TRIM2: variants seen among roughly 807,000 people sequenced by gnomAD.
The protein encoded by TRIM2 is tripartite motif-containing protein 2.
In TRIM2, 20 loss-of-function variants were observed where a neutral mutation model predicts 75.2. That is an observed-to-expected ratio of 0.27 (90% CI 0.19 to 0.39). TRIM2 has a LOEUF of 0.39. Ranked by LOEUF, TRIM2 falls within the 10% of genes least tolerant of loss-of-function variation. The pLI is 1.00. For missense variants in TRIM2, 660 were observed against 990.8 expected, an observed-to-expected ratio of 0.67 and a Z score of 4.48; for synonymous variants, 373 against 388.3, an observed-to-expected ratio of 0.96 and a Z score of 0.46.
intron 1 of TRIM2, among the ~76,000 whole-genome samples, chr4:153,238,233 G>A (rs1353437640): frequency 6.6e-6 from 1 of 152,192 alleles, no homozygotes; most frequent in Non-Finnish European, 1.5e-5. Context: ...CAGTCCATAA[G>A]CCAATTAACA....
At chr4:153,307,665 A>C (rs1371298537) in intron 6 of TRIM2, 2 of 468,960 alleles carry the variant, frequency 4.3e-6, no homozygotes, top group Non-Finnish European at 4.0e-6. Flanking sequence ...CCTCACAGGA[A>C]CAGCCACAGG....
chr4:153,274,803 A>G (rs1185997357), intron 2 of TRIM2, among the ~76,000 whole-genome samples: 2 of 152,248 alleles, frequency 1.3e-5, no homozygotes, highest in African/African-American at 2.4e-5. Context: ...GATACTTCCC[A>G]GAAGTCTAGT....
Position 153,339,285 on chromosome 4 carries a change from C to G in TRIM2, c.*4319C>G, listed in dbSNP as rs966962682. The G allele has an allele frequency of 2.1e-5, 15 of 702,740 alleles. No individual in the cohort carries two copies. In the African/African-American group the frequency reaches 2.9e-4, roughly 14 times the overall value. 43.5% of individuals were successfully genotyped at this position (702,740 alleles called of 1,614,324 possible). A position where few individuals can be genotyped will look rare whatever the true frequency, so the allele number is the denominator to read the frequency against. On this transcript the variant is annotated 3_prime_UTR_variant, in exon 12 of 12. Transcript: ENST00000338700. ...TGTATCTCTTTACCATGCACAAAAT[C>G]TCAAATCATTATAATAAAGCTTGTT... is the stretch of plus-strand genomic sequence containing the variant.
intron 6 of TRIM2, among the ~76,000 whole-genome samples, chr4:153,313,343 G>A (rs758819123): frequency 7.9e-5 from 12 of 152,172 alleles, no homozygotes; most frequent in Non-Finnish European, 1.6e-4. Context: ...TGCAGAGTTA[G>A]TGAGTAAACT....
chr4:153,173,619 C>T (rs930163871), intron 1 of TRIM2, among the ~76,000 whole-genome samples: 6 of 151,168 alleles, frequency 4.0e-5, no homozygotes, highest in African/African-American at 7.3e-5. Flanking sequence ...GCCGAGATCG[C>T]GCCATTGCAC....
Position 153,275,937 on chromosome 4 carries a change from G to T in TRIM2, c.260G>T (p.Cys87Phe), listed in dbSNP as rs1012061831. 2 of 1,614,074 alleles carry T rather than the reference G, an allele frequency of 1.2e-6. No homozygotes were observed. The highest frequency in any genetic ancestry group is 2.7e-5 in the African/African-American group (2 of 74,910). The change falls in exon 3 of 12, where the codon TGC (cysteine) becomes TTC (phenylalanine). Residue 87 changes from cysteine (C) to phenylalanine (F), a missense_variant. Physicochemically the swap from Cys to Phe is radical, Grantham distance 205. This residue lies in a region of TRIM2 where 620 missense variants were observed against 891.0 expected (regional missense o/e 0.70). Transcript: ENST00000338700. Reference sequence around the variant, plus strand: ...CCTGCCCACAGTTTAACCCTCTCCTGCCCAGTGTGCCGCCAGACCTCCATC... The same window carrying T: ...CCTGCCCACAGTTTAACCCTCTCCTTCCCAGTGTGCCGCCAGACCTCCATC... Reference protein sequence around the residue: ...YIPAHSLTLSCPVCRQTSILP... With the variant: ...YIPAHSLTLSFPVCRQTSILP...
At chr4:153,280,905 C>T (rs893869308) in intron 3 of TRIM2, among the ~76,000 whole-genome samples, 3 of 151,824 alleles carry the variant, frequency 2.0e-5, no homozygotes, top group Admixed American at 6.6e-5. Flanking sequence ...AGGATGGTCT[C>T]GATCTCCTGA....
chr4:153,290,026 T>C (rs1413162048), intron 3 of TRIM2, among the ~76,000 whole-genome samples: 1 of 152,228 alleles, frequency 6.6e-6, no homozygotes, highest in East Asian at 1.9e-4. Context: ...GAAATATTAG[T>C]AAATGCTATT....
chr4:153,244,290 TCCTCCTCCTCCTCCTCCTCCTCC>T lies in TRIM2; in HGVS notation c.31-26044_31-26022del, dbSNP rs1560873444. Reference sequence around the variant, plus strand: ...CTCCTCCTCCTCCTCCTCCTCCTCCTCCTCCTCCTCCTCCTCCTCCTCCTCCTCCTCTTCTTCTTCTTCTTCTT... The same window carrying T: ...CTCCTCCTCCTCCTCCTCCTCCTCCTTCCTCCTCTTCTTCTTCTTCTTCTT... On this transcript the variant is annotated intron_variant, in intron 1 of 11. Transcript: ENST00000338700. Among the ~76,000 whole-genome samples, 18 of 33,402 alleles carry T rather than the reference TCCTCCTCCTCCTCCTCCTCCTCC, an allele frequency of 5.4e-4. 1 individual carries two copies. The highest frequency in any genetic ancestry group is 2.5e-3 in the African/African-American group (15 of 6,042). The allele number at this position is 33,402 out of a possible 152,430, so 21.9% of individuals were successfully genotyped here. A position where few individuals can be genotyped will look rare whatever the true frequency, so the allele number is the denominator to read the frequency against.
chr4:153,176,064 A>T (rs1308953142), intron 1 of TRIM2, among the ~76,000 whole-genome samples: 3 of 152,012 alleles, frequency 2.0e-5, no homozygotes, highest in Non-Finnish European at 4.4e-5. Context: ...CTAAAAAAAA[A>T]AACTTTTTTT....
chr4:153,219,566 T>C (rs545538927), intron 1 of TRIM2, among the ~76,000 whole-genome samples: 1 of 152,340 alleles, frequency 6.6e-6, no homozygotes, highest in East Asian at 1.9e-4. Context: ...GCATAAATAT[T>C]ATTTTAGAAT....
At chr4:153,245,186 T>C (rs966180914) in intron 1 of TRIM2, among the ~76,000 whole-genome samples, 4 of 152,246 alleles carry the variant, frequency 2.6e-5, no homozygotes, top group African/African-American at 9.6e-5. Context: ...ACTGATTATC[T>C]TTTCCATTTC....
intron 1 of TRIM2, among the ~76,000 whole-genome samples, chr4:153,192,785 T>A (rs1265848140): frequency 6.6e-6 from 1 of 152,074 alleles, no homozygotes; most frequent in East Asian, 1.9e-4. Context: ...CCAAGGATGC[T>A]GTTTTCCCAG....
At chr4:153,227,324 A>C (rs1742403740) in intron 1 of TRIM2, among the ~76,000 whole-genome samples, 1 of 152,204 alleles carries the variant, frequency 6.6e-6, no homozygotes, top group East Asian at 1.9e-4. Flanking sequence ...CAGACAATTC[A>C]ACAGTGGCCC....
chr4:153,255,892 C>A (rs1751966428), intron 1 of TRIM2, among the ~76,000 whole-genome samples: 1 of 152,098 alleles, frequency 6.6e-6, no homozygotes, highest in South Asian at 2.1e-4. Context: ...AATAGGGAAA[C>A]CTTTAGCGAC....
At chr4:153,328,976 A>C (rs1183071615) in intron 11 of TRIM2, among the ~76,000 whole-genome samples, 1 of 152,200 alleles carries the variant, frequency 6.6e-6, no homozygotes, top group Non-Finnish European at 1.5e-5. Context: ...CTGGCTGAAA[A>C]TTATCATTTC....
At chr4:153,313,982 G>T (rs946648973) in intron 6 of TRIM2, among the ~76,000 whole-genome samples, 1 of 152,048 alleles carries the variant, frequency 6.6e-6, no homozygotes, top group African/African-American at 2.4e-5. Flanking sequence ...CCTGAAGAAT[G>T]GTTCTCTCTC....
At chr4:153,177,247 A>T (rs1318618905) in intron 1 of TRIM2, among the ~76,000 whole-genome samples, 2 of 152,224 alleles carry the variant, frequency 1.3e-5, no homozygotes, top group Non-Finnish European at 2.9e-5. Flanking sequence ...GAAAGTTGTC[A>T]CTCAGTATTT....
chr4:153,171,646 AAAG>A (rs1388996541), intron 1 of TRIM2, among the ~76,000 whole-genome samples: 1 of 116,604 alleles, frequency 8.6e-6, no homozygotes, highest in Non-Finnish European at 1.8e-5. Flanking sequence ...AATGGAAAAA[AAAG>A]ATAGTACGTC....
Sources: gnomAD v4.1 joint callset for allele counts (sites outside exome capture counted in the v4.1 genomes callset) on GRCh38, gnomAD v4.1.1 for gene constraint, gnomAD v4.1.1 regional missense constraint, MANE v1.5 for transcripts, NCBI Gene and HGNC (gene_info 2026-07-23, HGNC 2026-07-21) for gene names.